CEP162: variants seen among roughly 807,000 people sequenced by gnomAD.
CEP162 encodes centrosomal protein of 162 kDa.
Under a neutral mutation model 169.2 loss-of-function variants are expected in CEP162, and 141 were observed. That is an observed-to-expected ratio of 0.83 (90% confidence interval 0.73 to 0.96). The LOEUF is 0.96. Among genes scored for constraint, CEP162 ranks in the 40% least tolerant of loss-of-function variants. CEP162 has a pLI of 0.00. For missense variants in CEP162, 1,600 were observed against 1,587.2 expected (o/e 1.01, Z -0.14); for synonymous variants, 540 against 526.4 (o/e 1.03, Z -0.35).
chr6:84,168,313 A>C (rs1365797526), intron 18 of CEP162, among the ~76,000 whole-genome samples: 1 of 152,128 alleles, frequency 6.6e-6, no homozygotes, highest in Non-Finnish European at 1.5e-5. Context: ...GCCTTCCTAC[A>C]TACACATGCA....
At chr6:84,215,622 G>GT (rs1429791544) in intron 4 of CEP162, among the ~76,000 whole-genome samples, 154 bp downstream of exon 4, 4 of 152,010 alleles carry the variant, frequency 2.6e-5, no homozygotes, top group African/African-American at 7.2e-5. Flanking sequence ...AATACGTAAG[G>GT]TTTAAAGCTT....
chr6:84,202,940 T>C (rs1395026924), intron 7 of CEP162, among the ~76,000 whole-genome samples: 1 of 152,158 alleles, frequency 6.6e-6, no homozygotes, highest in Non-Finnish European at 1.5e-5. Context: ...TAAGAAGATT[T>C]ATAGACACCT....
chr6:84,126,605 A>C (rs2099509027), intron 25 of CEP162, 93 bp from the exon 26 acceptor site: 3 of 949,626 alleles, frequency 3.2e-6, no homozygotes, highest in Non-Finnish European at 4.5e-6. Flanking sequence ...AAATTTCTCT[A>C]TATAAGTAAG....
chr6:84,220,589 C>T (rs898771400), intron 3 of CEP162, among the ~76,000 whole-genome samples: 1 of 152,118 alleles, frequency 6.6e-6, no homozygotes, highest in Admixed American at 6.6e-5. Flanking sequence ...TGTGTTACTG[C>T]CCTTCAGCCT....
intron 6 of CEP162, among the ~76,000 whole-genome samples, chr6:84,206,944 T>C (rs1230992683): frequency 1.3e-5 from 2 of 152,200 alleles, no homozygotes. Flanking sequence ...AGAAGACATT[T>C]ATGCAGACAA....
intron 2 of CEP162, among the ~76,000 whole-genome samples, chr6:84,225,156 T>C (rs916047291): frequency 6.6e-6 from 1 of 152,146 alleles, no homozygotes; most frequent in Non-Finnish European, 1.5e-5. Flanking sequence ...TTTATATAAA[T>C]AGAGTTTTAT....
At chr6:84,137,953 G>A (rs778516150) in intron 25 of CEP162, among the ~76,000 whole-genome samples, 2 of 152,116 alleles carry the variant, frequency 1.3e-5, no homozygotes, top group African/African-American at 4.8e-5. Context: ...AAATATTTTA[G>A]GTAACAAAGG....
chr6:84,180,112 C>T (rs372778385), intron 13 of CEP162, among the ~76,000 whole-genome samples: 88 of 152,202 alleles, frequency 5.8e-4, no homozygotes, highest in South Asian at 3.7e-3. Flanking sequence ...ACTGGCAAAC[C>T]GAATCCAGCA....
chr6:84,216,628 A>G (rs2099551666), intron 3 of CEP162, among the ~76,000 whole-genome samples: 1 of 152,176 alleles, frequency 6.6e-6, no homozygotes, highest in Admixed American at 6.5e-5. Flanking sequence ...CTGATTAGAT[A>G]TTTGATGATA....
rs58976638 is a variant in CEP162 at position 84,219,200 on chromosome 6, T to C, written c.172+1857A>G. On this transcript the variant is annotated intron_variant, in intron 3 of 26. Transcript: ENST00000403245. ...CTTGATACAGGAATCACGTCTTGCCTTTTCATAATAATGCCTAGTATTTAG... is the reference window on the plus strand; with the variant it reads ...CTTGATACAGGAATCACGTCTTGCCCTTTCATAATAATGCCTAGTATTTAG... 811 of 1,263,126 alleles carry C rather than the reference T, an allele frequency of 6.4e-4. 7 individuals are homozygous for C. The African/African-American group carries it at 0.011, about 18-fold the overall frequency. The allele number at this position is 1,263,126 out of a possible 1,614,324, so 78.2% of individuals were successfully genotyped here.
chr6:84,174,838 G>A lies in CEP162; in HGVS notation c.1914C>T (p.Ala638=), dbSNP rs760043495. The A allele has an allele frequency of 1.3e-6, 2 of 1,501,724 alleles. No homozygotes were observed. The highest frequency in any genetic ancestry group is 1.8e-6 in the Non-Finnish European group (2 of 1,099,638). The allele number at this position is 1,501,724 out of a possible 1,614,324, so 93.0% of individuals were successfully genotyped here. Residue 638 remains alanine (A), a synonymous_variant, in exon 15 of 27, where the codon GCC becomes GCT. Coordinates refer to ENST00000403245, the MANE Select transcript of CEP162 (RefSeq NM_014895.4). ...GTTCTTTCTCCTTTTCTGAGAATGT[G>A]GCTTTAATTTGCTCAATTAGGGCTT... is the stretch of plus-strand genomic sequence containing the variant. ...GAQALIEQIK[A]TFSEKEKELE... is the part of the protein sequence containing the mutation.
intron 21 of CEP162, among the ~76,000 whole-genome samples, chr6:84,158,714 A>C (rs1430918765): frequency 6.6e-6 from 1 of 152,150 alleles, no homozygotes; most frequent in African/African-American, 2.4e-5. Context: ...CCAACACTAA[A>C]TATAGTAAAA....
chr6:84,215,872 G>T lies in CEP162; in HGVS notation c.223C>A (p.Pro75Thr). 1 of 1,579,982 alleles carries T rather than the reference G, an allele frequency of 6.3e-7. No individual in the cohort carries two copies. The highest frequency in any genetic ancestry group is 8.6e-7 in the Non-Finnish European group (1 of 1,161,290). ...GACTCCTCTTCTATTTCCATAACAGGCTGAGAAGTCTTCTTTGTTTTCAAA... is the reference window on the plus strand; with the variant it reads ...GACTCCTCTTCTATTTCCATAACAGTCTGAGAAGTCTTCTTTGTTTTCAAA... Reference protein sequence around the residue: ...SYLKTKKTSQPVMEIEEESAE... With the variant: ...SYLKTKKTSQTVMEIEEESAE... Residue 75 changes from proline to threonine, a missense_variant, in exon 4 of 27, where the codon CCT becomes ACT. Transcript: ENST00000403245.
intron 6 of CEP162, among the ~76,000 whole-genome samples, chr6:84,204,733 C>T (rs985695353): frequency 2.0e-5 from 3 of 152,056 alleles, no homozygotes; most frequent in Non-Finnish European, 4.4e-5. Context: ...AAGATCAGAG[C>T]AGAATTGAAG....
chr6:84,179,599 C>T (rs971497929), intron 13 of CEP162, among the ~76,000 whole-genome samples: 1 of 151,922 alleles, frequency 6.6e-6, no homozygotes, highest in African/African-American at 2.4e-5. Flanking sequence ...CAAAAATTTT[C>T]TCCCATTGTG....
intron 18 of CEP162, among the ~76,000 whole-genome samples, chr6:84,165,273 T>C (rs2099527369): frequency 6.6e-6 from 1 of 152,068 alleles, no homozygotes; most frequent in Admixed American, 6.6e-5. Context: ...AATGCAGGAT[T>C]TTATTTTGCC....
intron 5 of CEP162, among the ~76,000 whole-genome samples, chr6:84,214,007 G>A (rs767884618): frequency 1.4e-4 from 21 of 152,132 alleles, no homozygotes; most frequent in African/African-American, 4.6e-4. Flanking sequence ...CGCTGGGCGC[G>A]GTGGCTCATG....
At chr6:84,195,863 T>TGA (rs2099541934) in intron 9 of CEP162, among the ~76,000 whole-genome samples, 1 of 152,226 alleles carries the variant, frequency 6.6e-6, no homozygotes, top group South Asian at 2.1e-4. Context: ...CATATGCTTA[T>TGA]GACTCCCAAA....
chr6:84,215,854 C>T lies in CEP162; in HGVS notation c.241G>A (p.Glu81Lys), dbSNP rs775621962. 1 of 1,583,906 alleles carries T rather than the reference C, an allele frequency of 6.3e-7. No homozygotes were observed. The highest frequency in any genetic ancestry group is 1.8e-5 in the Admixed American group (1 of 55,530). Reference sequence around the variant, plus strand: ...AATTGAATCTTTTCAGCAGACTCCTCTTCTATTTCCATAACAGGCTGAGAA... The same window carrying T: ...AATTGAATCTTTTCAGCAGACTCCTTTTCTATTTCCATAACAGGCTGAGAA... ...KTSQPVMEIE[E>K]ESAEKIQFLK... The change falls in exon 4 of 27, where the codon GAG becomes AAG. Residue 81 changes from glutamate (E) to lysine (K), a missense_variant. Coordinates refer to ENST00000403245, the MANE Select transcript of CEP162 (RefSeq NM_014895.4).
Sources: gnomAD v4.1 joint callset for allele counts (sites outside exome capture counted in the v4.1 genomes callset) on GRCh38, gnomAD v4.1.1 for gene constraint, MANE v1.5 for transcripts, NCBI Gene and HGNC (gene_info 2026-07-23, HGNC 2026-07-21) for gene names.